Variants in WWOX observed in about 807,000 individuals in gnomAD.
WWOX encodes the protein WW domain-containing oxidoreductase.
A neutral mutation model predicts 46.2 loss-of-function variants in WWOX; 69 were observed. The ratio of observed to expected loss-of-function variants is 1.49; its 90% CI spans 1.23 to 1.82. The LOEUF is 1.82. WWOX is among the 40% of genes most tolerant of loss of function. The pLI is 0.00. For missense variants in WWOX, 919 were observed against 542.6 expected, an observed-to-expected ratio of 1.69 and a Z score of -6.89; for synonymous variants, 359 against 202.6, an observed-to-expected ratio of 1.77 and a Z score of -6.56.
chr16:78,375,254 A>G (rs1342316643), intron 5 of WWOX, among the ~76,000 whole-genome samples: 3 of 152,254 alleles, frequency 2.0e-5, no homozygotes, highest in South Asian at 4.1e-4. Context: ...TACCAAGCAC[A>G]TATCCGTCAC....
chr16:78,838,569 C>T (rs891830633), intron 8 of WWOX, among the ~76,000 whole-genome samples: 22 of 152,154 alleles, frequency 1.4e-4, no homozygotes, highest in Admixed American at 7.9e-4. Context: ...TGGCTGGGCA[C>T]GGTGGCTCAC....
At chr16:78,652,306 G>C (rs898727791) in intron 8 of WWOX, among the ~76,000 whole-genome samples, 2 of 150,466 alleles carry the variant, frequency 1.3e-5, no homozygotes, top group Non-Finnish European at 1.5e-5. Flanking sequence ...CTACTCGGGA[G>C]CCTGAGGCAG....
intron 8 of WWOX, among the ~76,000 whole-genome samples, chr16:78,750,652 C>A (rs565256093): frequency 1.1e-4 from 17 of 152,118 alleles, no homozygotes; most frequent in Non-Finnish European, 2.4e-4. Flanking sequence ...TCCCTAGTCC[C>A]CCCTTTTGAA....
chr16:78,120,696 A>C (rs912303511), intron 4 of WWOX, among the ~76,000 whole-genome samples: 2 of 152,222 alleles, frequency 1.3e-5, no homozygotes, highest in Non-Finnish European at 2.9e-5. Flanking sequence ...TTGTTTCTAA[A>C]TCATGTGTTG....
chr16:79,128,386 C>CA lies in WWOX; in HGVS notation c.1057-83211dup, dbSNP rs375875219. Among the ~76,000 whole-genome samples, 516 of 139,284 alleles carry CA rather than the reference C, an allele frequency of 3.7e-3. 2 individuals carry two copies. Among genetic ancestry groups the CA allele is most frequent in the African/African-American group, 7.1e-3 (264 of 37,256 alleles). 91.4% of individuals were successfully genotyped at this position (139,284 alleles called of 152,430 possible). A position where few individuals can be genotyped will look rare whatever the true frequency, so the allele number is the denominator to read the frequency against. ...AGTGTGAAAAACAAAAAACAAAAAA[C>CA]AAAAAAAAAAACACTAAACCCCAAA... On this transcript the variant is annotated intron_variant, in intron 8 of 8. Coordinates refer to ENST00000566780, the MANE Select transcript of WWOX (RefSeq NM_016373.4).
intron 5 of WWOX, among the ~76,000 whole-genome samples, chr16:78,329,852 TTCTCCCACCTCAA>T (rs2151891160): frequency 6.6e-6 from 1 of 152,000 alleles, no homozygotes; most frequent in East Asian, 1.9e-4. Flanking sequence ...GCTCCAGTGA[TTCTCCCACCTCAA>T]CCTCCCAAGT....
chr16:78,712,157 C>T (rs181083139), intron 8 of WWOX, among the ~76,000 whole-genome samples: 70 of 152,158 alleles, frequency 4.6e-4, no homozygotes, highest in Middle Eastern at 3.4e-3. Flanking sequence ...CAATTGACTT[C>T]GAAATGTTAT....
At chr16:79,146,738 G>C (rs2050189023) in intron 8 of WWOX, among the ~76,000 whole-genome samples, 1 of 152,058 alleles carries the variant, frequency 6.6e-6, no homozygotes, top group African/African-American at 2.4e-5. Context: ...AGAAAGGTGT[G>C]GTCCTCGCCT....
intron 8 of WWOX, among the ~76,000 whole-genome samples, chr16:78,941,018 T>C (rs1329187851): frequency 6.6e-6 from 1 of 152,080 alleles, no homozygotes; most frequent in Admixed American, 6.6e-5. Context: ...TATATCACTT[T>C]TCCCTTGTTA....
rs146396564 is a variant in WWOX at position 78,542,113 on chromosome 16, C to T, written c.1056+109361C>T. ...TCATGATGTTTGTAAAGTAATACTT[C>T]TTGGAGAAACCTCCCAAATTTCTAT... On this transcript the variant is annotated intron_variant, in intron 8 of 8. Coordinates refer to ENST00000566780, the MANE Select transcript of WWOX (RefSeq NM_016373.4). Among the ~76,000 whole-genome samples, 3 of 145,916 alleles carry T rather than the reference C, an allele frequency of 2.1e-5. No individual in the cohort carries two copies. The East Asian group carries it at 6.5e-4, about 31-fold the overall frequency.
intron 8 of WWOX, among the ~76,000 whole-genome samples, chr16:78,616,545 G>A (rs893869596): frequency 6.6e-6 from 1 of 151,586 alleles, no homozygotes. Context: ...GTGTCTCGGT[G>A]GATCACTTGA....
At chr16:78,366,328 CTA>C (rs1247320882) in intron 5 of WWOX, among the ~76,000 whole-genome samples, 1 of 152,194 alleles carries the variant, frequency 6.6e-6, no homozygotes, top group African/African-American at 2.4e-5. Context: ...ATGCTCCCTC[CTA>C]TGCCTATCCA....
chr16:78,133,277 G>T (rs1006583182), intron 4 of WWOX, among the ~76,000 whole-genome samples: 1 of 151,948 alleles, frequency 6.6e-6, no homozygotes, highest in Non-Finnish European at 1.5e-5. Context: ...TACTTTTTTT[G>T]AAAGATGGAG....
intron 8 of WWOX, among the ~76,000 whole-genome samples, chr16:78,487,502 G>C (rs960610551): frequency 6.6e-6 from 1 of 152,164 alleles, no homozygotes; most frequent in African/African-American, 2.4e-5. Flanking sequence ...GAGGGTTTGC[G>C]AGAGGCATGG....
chr16:78,843,745 C>T (rs2052222830), intron 8 of WWOX, among the ~76,000 whole-genome samples: 2 of 152,208 alleles, frequency 1.3e-5, no homozygotes, highest in Non-Finnish European at 2.9e-5. Context: ...GCCAGCATAA[C>T]TGTTGCATCA....
chr16:78,556,006 A>G (rs1445022737), intron 8 of WWOX, among the ~76,000 whole-genome samples: 1 of 152,150 alleles, frequency 6.6e-6, no homozygotes, highest in Non-Finnish European at 1.5e-5. Context: ...AGTAACAGGG[A>G]GAAGAACTGT....
intron 8 of WWOX, among the ~76,000 whole-genome samples, chr16:78,962,461 G>T (rs923189434): frequency 5.3e-5 from 8 of 151,992 alleles, no homozygotes; most frequent in Non-Finnish European, 4.4e-5. Context: ...TCTCAGGGAT[G>T]ACAGTCATTT....
At chr16:78,123,113 C>G (rs562953395) in intron 4 of WWOX, 1 of 152,148 alleles carries the variant, frequency 6.6e-6, no homozygotes, top group Admixed American at 6.5e-5. Context: ...TCTTCTAATT[C>G]TCTGTGATGA....
intron 8 of WWOX, among the ~76,000 whole-genome samples, chr16:78,468,467 T>C (rs2084137792): frequency 6.6e-6 from 1 of 152,108 alleles, no homozygotes; most frequent in Non-Finnish European, 1.5e-5. Flanking sequence ...TTCATCCTTT[T>C]GCTTCCAGCC....
Sources: gnomAD v4.1 joint callset for allele counts (sites outside exome capture counted in the v4.1 genomes callset) on GRCh38, gnomAD v4.1.1 for gene constraint, MANE v1.5 for transcripts, NCBI Gene and HGNC (gene_info 2026-07-23, HGNC 2026-07-21) for gene names.